COL25A1: variants seen among roughly 807,000 people sequenced by gnomAD.
The protein encoded by COL25A1 is collagen alpha-1(XXV) chain.
COL25A1 carries 103 observed loss-of-function variants against 128.4 expected under a neutral mutation model. That is an observed-to-expected ratio of 0.80 (90% CI 0.68 to 0.94). The LOEUF (loss-of-function observed/expected upper bound fraction) is 0.94, where lower values mean the gene tolerates loss of function less well. Ranked by LOEUF, COL25A1 falls within the 40% of genes least tolerant of loss-of-function variation. The pLI, the probability that COL25A1 is intolerant of heterozygous loss-of-function variation, is 0.00. For missense variants in COL25A1, 745 were observed against 840.0 expected (o/e 0.89, Z 1.40); for synonymous variants, 279 against 277.2 (o/e 1.01, Z -0.06).
intron 3 of COL25A1, among the ~76,000 whole-genome samples, chr4:109,053,812 G>A (rs1761196041): frequency 6.6e-6 from 1 of 152,150 alleles, no homozygotes; most frequent in Non-Finnish European, 1.5e-5. Context: ...ATCATTGGCT[G>A]GGTGTTTTGT....
chr4:108,882,043 C>T (rs1000177516), intron 19 of COL25A1, among the ~76,000 whole-genome samples: 7 of 152,112 alleles, frequency 4.6e-5, no homozygotes, highest in African/African-American at 1.4e-4. Flanking sequence ...AGCTACCTGA[C>T]CTCGACAAAC....
chr4:109,157,868 G>C (rs924685192), intron 3 of COL25A1, among the ~76,000 whole-genome samples: 1 of 152,170 alleles, frequency 6.6e-6, no homozygotes, highest in African/African-American at 2.4e-5. Context: ...CGCTGCTGCA[G>C]AGCACAGCAT....
At chr4:108,965,350 C>T (rs1034782034) in intron 8 of COL25A1, among the ~76,000 whole-genome samples, 1 of 152,130 alleles carries the variant, frequency 6.6e-6, no homozygotes, top group Non-Finnish European at 1.5e-5. Context: ...CACTAAATCT[C>T]CTATTTATCA....
intron 3 of COL25A1, among the ~76,000 whole-genome samples, chr4:109,262,555 T>C (rs1293798728): frequency 6.6e-6 from 1 of 151,920 alleles, no homozygotes; most frequent in African/African-American, 2.4e-5. Flanking sequence ...CACAACCAAG[T>C]TTACCTATTA....
chr4:109,266,058 A>G (rs971153275), intron 3 of COL25A1, among the ~76,000 whole-genome samples: 3 of 152,172 alleles, frequency 2.0e-5, no homozygotes, highest in Non-Finnish European at 4.4e-5. Context: ...GAGGACTAAC[A>G]GGTGTAACCG....
chr4:109,282,518 G>A (rs1401885666), intron 3 of COL25A1, among the ~76,000 whole-genome samples: 3 of 152,140 alleles, frequency 2.0e-5, no homozygotes, highest in South Asian at 4.2e-4. Context: ...GTGGAAAAAT[G>A]AACTGAGATT....
chr4:108,988,576 A>G (rs1367083987), intron 6 of COL25A1, among the ~76,000 whole-genome samples: 1 of 152,200 alleles, frequency 6.6e-6, no homozygotes, highest in Non-Finnish European at 1.5e-5. Context: ...TTTTTCTCAT[A>G]TCTCAAACAC....
intron 5 of COL25A1, among the ~76,000 whole-genome samples, chr4:109,019,045 G>T (rs1560548924): frequency 6.6e-6 from 1 of 152,124 alleles, no homozygotes; most frequent in Non-Finnish European, 1.5e-5. Context: ...GTCTGTGTGG[G>T]TGTTGCCAAA....
At chr4:108,984,786 A>C (rs538422245) in intron 6 of COL25A1, among the ~76,000 whole-genome samples, 120 of 152,356 alleles carry the variant, frequency 7.9e-4, no homozygotes, top group African/African-American at 2.7e-3. Context: ...TGGCCAGCCC[A>C]GAAAGGGGCT....
At chr4:109,155,729 C>A (rs1183764658) in intron 3 of COL25A1, among the ~76,000 whole-genome samples, 2 of 152,196 alleles carry the variant, frequency 1.3e-5, no homozygotes, top group Non-Finnish European at 2.9e-5. Context: ...ACCAACAGAG[C>A]AATTCAGATG....
intron 8 of COL25A1, among the ~76,000 whole-genome samples, chr4:108,952,191 T>C (rs548568957): frequency 6.6e-6 from 1 of 152,328 alleles, no homozygotes; most frequent in South Asian, 2.1e-4. Flanking sequence ...AATCTACTTT[T>C]ATGATTTCAG....
intron 5 of COL25A1, among the ~76,000 whole-genome samples, chr4:109,011,440 G>A (rs1281348399): frequency 6.6e-6 from 1 of 152,144 alleles, no homozygotes; most frequent in African/African-American, 2.4e-5. Context: ...GTCAAACTAG[G>A]AAGGGGAGCC....
chr4:108,930,158 C>A (rs1362403283), intron 11 of COL25A1, among the ~76,000 whole-genome samples: 1 of 152,026 alleles, frequency 6.6e-6, no homozygotes, highest in Non-Finnish European at 1.5e-5. Flanking sequence ...GGTGACCAAG[C>A]AGAAGTCTAT....
At chr4:108,845,037 C>T in intron 29 of COL25A1, 152 bp downstream of exon 29, 1 of 737,164 alleles carries the variant, frequency 1.4e-6, no homozygotes. Flanking sequence ...CTGTGCAGGG[C>T]TGACGGATGT....
intron 3 of COL25A1, among the ~76,000 whole-genome samples, chr4:109,147,226 C>A (rs1771026152): frequency 6.6e-6 from 1 of 152,160 alleles, no homozygotes. Flanking sequence ...AAATTGCAAA[C>A]ACATTTACAG....
At chr4:109,043,241 C>T (rs2344869) in intron 5 of COL25A1, among the ~76,000 whole-genome samples, 76,510 of 151,838 alleles carry the variant, frequency 0.5, 21,376 homozygotes, top group African/African-American at 0.73. Context: ...GGAAAAGACA[C>T]AATTTGACTT....
In COL25A1 at chr4:108,812,611, A is replaced by G. The variant is rs557317786; in HGVS notation, c.*1316T>C. 21 of 152,034 alleles carry G rather than the reference A, an allele frequency of 1.4e-4. No homozygotes were observed. Among genetic ancestry groups the G allele is most frequent in the Non-Finnish European group, 2.5e-4 (17 of 67,848 alleles). The allele number at this position is 152,034 out of a possible 1,614,324, so 9.4% of individuals were successfully genotyped here. ...AGACTTCTTAAAAAAATTGTTCAAAACATATGTGACAAAAACTGAAACTAA... is the reference window on the plus strand; with the variant it reads ...AGACTTCTTAAAAAAATTGTTCAAAGCATATGTGACAAAAACTGAAACTAA... On this transcript the variant is annotated 3_prime_UTR_variant, in exon 38 of 38. Transcript: ENST00000399132.
intron 13 of COL25A1, among the ~76,000 whole-genome samples, chr4:108,911,782 T>C (rs1744248968): frequency 1.3e-5 from 2 of 150,528 alleles, no homozygotes; most frequent in Non-Finnish European, 3.0e-5. Context: ...CATAATTCAT[T>C]AATAAACATT....
chr4:109,153,280 G>A (rs1771691850), intron 3 of COL25A1, among the ~76,000 whole-genome samples: 2 of 151,558 alleles, frequency 1.3e-5, no homozygotes, highest in Admixed American at 1.3e-4. Context: ...AGCTACTCGG[G>A]AGGCTGAGGC....
Sources: allele counts gnomAD v4.1 joint callset (sites outside exome capture counted in the v4.1 genomes callset), GRCh38; gene constraint gnomAD v4.1.1; transcripts MANE v1.5; gene names NCBI Gene and HGNC (gene_info 2026-07-23, HGNC 2026-07-21).